Variants in UNG observed in about 807,000 individuals in gnomAD.
The protein encoded by UNG is uracil-DNA glycosylase.
A neutral mutation model predicts 36.5 loss-of-function variants in UNG; 34 were observed. The observed-to-expected ratio is 0.93, with a 90% CI of 0.71 to 1.24. The LOEUF is 1.24. Among genes scored for constraint, UNG ranks in the 50% most tolerant of loss-of-function variants. UNG has a pLI of 0.00. For missense variants in UNG, 391 were observed against 397.6 expected (o/e 0.98, Z 0.14); for synonymous variants, 172 against 157.8 (o/e 1.09, Z -0.67).
chr12:109,108,589 G>A (rs1319506260), intron 6 of UNG, among the ~76,000 whole-genome samples: 1 of 152,080 alleles, frequency 6.6e-6, no homozygotes, highest in Non-Finnish European at 1.5e-5. Context: ...CCACAGTCAT[G>A]CCACTACACT....
chr12:109,110,160 T>C lies in UNG; in HGVS notation c.*191T>C. On this transcript the variant is annotated 3_prime_UTR_variant, in exon 7 of 7. Coordinates refer to ENST00000242576, the MANE Select transcript of UNG (RefSeq NM_080911.3). ...ACCACAAACAACAAAGGCTACCCTT[T>C]GACCAAATGTCTTTCTCTGCAACAT... 1.5e-6 allele frequency: 1 copy of C among 688,496 alleles called. No homozygotes were observed. Among genetic ancestry groups the C allele is most frequent in the South Asian group, 1.8e-5 (1 of 54,488 alleles). The allele number at this position is 688,496 out of a possible 1,614,324, so 42.6% of individuals were successfully genotyped here. A position where few individuals can be genotyped will look rare whatever the true frequency, so the allele number is the denominator to read the frequency against.
intron 6 of UNG, among the ~76,000 whole-genome samples, chr12:109,109,468 T>G (rs2042242814): frequency 6.7e-6 from 1 of 148,556 alleles, no homozygotes; most frequent in African/African-American, 2.5e-5. Flanking sequence ...ACAGCCACAG[T>G]CCTTCCTTTT....
chr12:109,099,829 C>A (rs2042163742), intron 3 of UNG, among the ~76,000 whole-genome samples: 1 of 152,204 alleles, frequency 6.6e-6, no homozygotes, highest in Non-Finnish European at 1.5e-5. Flanking sequence ...GTAATCCCAG[C>A]ACTTTCGGAG....
Position 109,110,450 on chromosome 12 carries a change from A to G in UNG, c.*481A>G. The G allele has an allele frequency of 5.1e-6, 1 of 196,208 alleles. No homozygotes were observed. The highest frequency in any genetic ancestry group is 1.1e-5 in the Non-Finnish European group (1 of 93,774). The allele number at this position is 196,208 out of a possible 1,614,324, so 12.2% of individuals were successfully genotyped here. ...AGTTCCACTGCCCCCTTGATCTTTG[A>G]AGGAGTCCTCAGGCCCCTCGCAGCA... On this transcript the variant is annotated 3_prime_UTR_variant, in exon 7 of 7. Transcript: ENST00000242576.
chr12:109,108,354 C>T (rs1037895665), intron 6 of UNG, among the ~76,000 whole-genome samples: 9 of 152,078 alleles, frequency 5.9e-5, no homozygotes, highest in African/African-American at 2.2e-4. Flanking sequence ...GGTCTCTTGG[C>T]TGGGAGCAGT....
At chr12:109,105,478 A>G (rs1486375329) in intron 6 of UNG, among the ~76,000 whole-genome samples, 1 of 152,228 alleles carries the variant, frequency 6.6e-6, no homozygotes, top group African/African-American at 2.4e-5. Context: ...TAGCTTGGTC[A>G]TTAAAGCCAA....
At position 109,110,163 on chromosome 12, in the gene UNG, C is replaced by A; in HGVS notation, c.*194C>A. 1 of 681,074 alleles carries A rather than the reference C, an allele frequency of 1.5e-6. No individual in the cohort carries two copies. The highest frequency in any genetic ancestry group is 2.5e-6 in the Non-Finnish European group (1 of 406,300). The allele number at this position is 681,074 out of a possible 1,614,324, so 42.2% of individuals were successfully genotyped here. ...ACAAACAACAAAGGCTACCCTTTGACCAAATGTCTTTCTCTGCAACATGGC... is the reference window on the plus strand; with the variant it reads ...ACAAACAACAAAGGCTACCCTTTGAACAAATGTCTTTCTCTGCAACATGGC... On this transcript the variant is annotated 3_prime_UTR_variant, in exon 7 of 7. Coordinates refer to ENST00000242576, the MANE Select transcript of UNG (RefSeq NM_080911.3).
At position 109,101,994 on chromosome 12, in the gene UNG, G is replaced by T. The variant is rs373915335; in HGVS notation, c.528G>T (p.Pro176=). ...CFSVQRPVPP[P]PSLENIYKEL... is the part of the protein sequence containing the mutation. ...GTGTTCAAAGGCCTGTTCCGCCTCC[G>T]CCCAGGTACAGTTGCTTTACAGGTG... The change falls in exon 4 of 7, where the codon CCG becomes CCT. Residue 176 remains proline, a synonymous_variant. Coordinates refer to ENST00000242576, the MANE Select transcript of UNG (RefSeq NM_080911.3). 2 of 1,613,816 alleles carry T rather than the reference G, an allele frequency of 1.2e-6. No individual in the cohort carries two copies. Among genetic ancestry groups the T allele is most frequent in the South Asian group, 2.2e-5 (2 of 91,064 alleles).
chr12:109,106,924 T>TACAC (rs2042221664), intron 6 of UNG, among the ~76,000 whole-genome samples: 3 of 71,014 alleles, frequency 4.2e-5, no homozygotes, highest in African/African-American at 1.2e-4. Flanking sequence ...TATGTGTATA[T>TACAC]ATATATATAT....
rs889182481 is a variant in UNG, at chr12:109,101,931, A to G, written c.465A>G (p.Pro155=). The G allele has an allele frequency of 1.1e-5, 17 of 1,614,064 alleles. No individual in the cohort carries two copies. The highest frequency in any genetic ancestry group is 1.3e-5 in the Non-Finnish European group (15 of 1,179,996). ...AGGTTGTCATCCTGGGACAGGATCCATATCATGGACCTAATCAAGCTCACG... is the reference window on the plus strand; with the variant it reads ...AGGTTGTCATCCTGGGACAGGATCCGTATCATGGACCTAATCAAGCTCACG... ...DVKVVILGQD[P]YHGPNQAHGL... Residue 155 remains proline, a synonymous_variant, in exon 4 of 7, where the codon CCA becomes CCG. Transcript: ENST00000242576.
Position 109,098,648 on chromosome 12 carries a change from G to A in UNG, c.339+10G>A, listed in dbSNP as rs538137060. On this transcript the variant is annotated intron_variant, in intron 2 of 6. Transcript: ENST00000242576. Reference sequence around the variant, plus strand: ...ACCGTATTTTATCAAGGTAAATATGGAAATGCACCTTCCATAAGGGTAAAT... The same window carrying A: ...ACCGTATTTTATCAAGGTAAATATGAAAATGCACCTTCCATAAGGGTAAAT... The A allele has an allele frequency of 8.7e-6, 14 of 1,613,208 alleles. No individual in the cohort carries two copies. Among genetic ancestry groups the A allele is most frequent in the African/African-American group, 1.3e-5 (1 of 75,048 alleles).
At position 109,098,535 on chromosome 12, in the gene UNG, C is replaced by CCGCGGCCCTGCTCAGACT. The variant is rs2135882337; in HGVS notation, c.245_262dup (p.Leu82_Ala87dup). 1.2e-5 allele frequency: 19 copies of CCGCGGCCCTGCTCAGACT among 1,613,084 alleles called. No individual in the cohort carries two copies. Among genetic ancestry groups the CCGCGGCCCTGCTCAGACT allele is most frequent in the Non-Finnish European group, 1.5e-5 (18 of 1,179,954 alleles). ...TTGGACCGGATCCAGAGGAACAAGG[C>CCGCGGCCCTGCTCAGACT]CGCGGCCCTGCTCAGACTCGCGGCC... On this transcript the variant is annotated inframe_insertion, in exon 2 of 7. Coordinates refer to ENST00000242576, the MANE Select transcript of UNG (RefSeq NM_080911.3).
rs1202913038 is a variant in UNG at position 109,097,820 on chromosome 12, CG to C, written c.132+11del. 1 of 1,536,370 alleles carries C rather than the reference CG, an allele frequency of 6.5e-7. No homozygotes were observed. Among genetic ancestry groups the C allele is most frequent in the Admixed American group, 2.0e-5 (1 of 50,228 alleles). On this transcript the variant is annotated intron_variant, in intron 1 of 6. Coordinates refer to ENST00000242576, the MANE Select transcript of UNG (RefSeq NM_080911.3). ...AAAGCGGAGATGCGGCGGTGAGGCGCGGCTTGGGCCGGGGCTAGGGGGTGAA... is the reference window on the plus strand; with the variant it reads ...AAAGCGGAGATGCGGCGGTGAGGCGCGCTTGGGCCGGGGCTAGGGGGTGAA...
At chr12:109,100,409 A>G (rs1240357259) in intron 3 of UNG, among the ~76,000 whole-genome samples, 1 of 152,206 alleles carries the variant, frequency 6.6e-6, no homozygotes, top group African/African-American at 2.4e-5. Flanking sequence ...GATTTAATGA[A>G]TATCTGTGAA....
In UNG at chr12:109,110,189, T is replaced by C; in HGVS notation, c.*220T>C. The C allele has an allele frequency of 1.7e-6, 1 of 604,430 alleles. No homozygotes were observed. The highest frequency in any genetic ancestry group is 2.9e-6 in the Non-Finnish European group (1 of 345,776). 37.4% of individuals were successfully genotyped at this position (604,430 alleles called of 1,614,324 possible). A position where few individuals can be genotyped will look rare whatever the true frequency, so the allele number is the denominator to read the frequency against. On this transcript the variant is annotated 3_prime_UTR_variant, in exon 7 of 7. Transcript: ENST00000242576. ...CAAATGTCTTTCTCTGCAACATGGC[T>C]TCGGCCTAAAATATGCAGAAGACAG...
intron 5 of UNG, 112 bp downstream of exon 5, chr12:109,103,039 C>T (rs2042190200): frequency 3.7e-6 from 3 of 817,500 alleles, no homozygotes; most frequent in South Asian, 1.5e-5. Flanking sequence ...GCAACCTCTG[C>T]CTCCCAGGTT....
Position 109,103,496 on chromosome 12 carries a change from G to C in UNG, c.686G>C (p.Arg229Pro). Residue 229 changes from arginine (R) to proline (P), a missense_variant, in exon 6 of 7, where the codon CGA becomes CCA. Coordinates refer to ENST00000242576, the MANE Select transcript of UNG (RefSeq NM_080911.3). ...RAHQANSHKE[R>P]GWEQFTDAVV... ...CATCAAGCCAACTCTCATAAGGAGC[G>C]AGGCTGGGAGCAGTTCACTGATGCA... is the stretch of plus-strand genomic sequence containing the variant. 1 of 1,614,196 alleles carries C rather than the reference G, an allele frequency of 6.2e-7. No homozygotes were observed. The highest frequency in any genetic ancestry group is 8.5e-7 in the Non-Finnish European group (1 of 1,180,026).
chr12:109,108,671 C>G (rs1037100791), intron 6 of UNG, among the ~76,000 whole-genome samples: 1 of 152,108 alleles, frequency 6.6e-6, no homozygotes. Flanking sequence ...TGCTCTGTCA[C>G]CCAGGCTGGA....
chr12:109,099,317 GAGA>G (rs2042159630), intron 3 of UNG, 33 bp downstream of exon 3: 2 of 1,563,080 alleles, frequency 1.3e-6, no homozygotes, highest in Non-Finnish European at 1.8e-6. Flanking sequence ...TTTTATTGGG[GAGA>G]AGGAGTCAAA....
Sources: allele counts gnomAD v4.1 joint callset (sites outside exome capture counted in the v4.1 genomes callset), GRCh38; gene constraint gnomAD v4.1.1; transcripts MANE v1.5; gene names NCBI Gene and HGNC (gene_info 2026-07-23, HGNC 2026-07-21).